Variants in BCAR3 observed in about 807,000 individuals in gnomAD.
BCAR3 encodes BCAR3 adaptor protein, NSP family member.
A neutral mutation model predicts 80.1 loss-of-function variants in BCAR3; 37 were observed. That is an observed-to-expected ratio of 0.46 (90% CI 0.36 to 0.61). BCAR3 has a LOEUF of 0.61. Ranked by LOEUF, BCAR3 falls within the 20% of genes least tolerant of loss-of-function variation. BCAR3 has a pLI of 0.00. For missense variants in BCAR3, 978 were observed against 1,068.2 expected (o/e 0.92, Z 1.18); for synonymous variants, 389 against 418.9 (o/e 0.93, Z 0.87).
intron 3 of BCAR3, among the ~76,000 whole-genome samples, chr1:93,623,067 C>A (rs3767982): frequency 6.6e-6 from 1 of 152,128 alleles, no homozygotes; most frequent in African/African-American, 2.4e-5. Flanking sequence ...CATCCCCACC[C>A]CCTGCCCATA....
rs146786226 is a variant in BCAR3, at chr1:93,833,174, C to T, written c.-63+12393G>A. On this transcript the variant is annotated intron_variant, in intron 2 of 13. Coordinates refer to the BCAR3 transcript ENST00000370244. ...GGTGACATCACATGTCGGCAGGTTC[C>T]GTGATGCCCACCTGAGCTGCAAAAC... 4.3e-3 allele frequency among the ~76,000 whole-genome samples: 661 copies of T among 152,226 alleles called. 2 individuals carry two copies. Among genetic ancestry groups the T allele is most frequent in the African/African-American group, 0.015 (620 of 41,512 alleles).
intron 2 of BCAR3, among the ~76,000 whole-genome samples, chr1:93,816,355 G>A (rs1308831309): frequency 2.0e-5 from 3 of 152,066 alleles, no homozygotes; most frequent in African/African-American, 7.2e-5. Context: ...TTTCATTGGT[G>A]AATAATTCAC....
rs559815270 is a variant in BCAR3 at position 93,666,539 on chromosome 1, G to T, written c.317+8075C>A. Among the ~76,000 whole-genome samples, 3 of 152,180 alleles carry T rather than the reference G, an allele frequency of 2.0e-5. No individual in the cohort carries two copies. In the South Asian group the frequency reaches 6.2e-4, roughly 32 times the overall value. On this transcript the variant is annotated intron_variant, in intron 2 of 11. Coordinates refer to ENST00000260502, the MANE Select transcript of BCAR3 (RefSeq NM_003567.4). ...TTTGCCTGAATGCCCCCTAAACTGA[G>T]AACTCCCTAAGGACAGGGGATACAT...
At chr1:93,768,785 G>A (rs1652248437) in intron 2 of BCAR3, among the ~76,000 whole-genome samples, 1 of 152,160 alleles carries the variant, frequency 6.6e-6, no homozygotes, top group Non-Finnish European at 1.5e-5. Context: ...AAGGTATCTG[G>A]CAGCCTGTAA....
At chr1:93,735,488 T>G (rs1650943767) in intron 2 of BCAR3, among the ~76,000 whole-genome samples, 1 of 152,160 alleles carries the variant, frequency 6.6e-6, no homozygotes, top group South Asian at 2.1e-4. Flanking sequence ...TATTAAAAAA[T>G]TATTAAAATG....
At chr1:93,594,122 C>T (rs1010615559) in intron 3 of BCAR3, among the ~76,000 whole-genome samples, 1 of 152,168 alleles carries the variant, frequency 6.6e-6, no homozygotes, top group Admixed American at 6.5e-5. Context: ...GTCTGACTTG[C>T]CTCCCACTAG....
chr1:93,703,134 G>T (rs973869832), intron 3 of BCAR3, among the ~76,000 whole-genome samples: 1 of 152,208 alleles, frequency 6.6e-6, no homozygotes, highest in Non-Finnish European at 1.5e-5. Context: ...CCCTCCTTAG[G>T]TTTCCAGAGG....
At chr1:93,666,786 A>G (rs1031658062) in intron 2 of BCAR3, among the ~76,000 whole-genome samples, 15 of 152,182 alleles carry the variant, frequency 9.9e-5, no homozygotes, top group Non-Finnish European at 1.8e-4. Flanking sequence ...TATACCTATA[A>G]ACTGTTGAGT....
In BCAR3 at chr1:93,609,461, C is replaced by T. The variant is rs184063851; in HGVS notation, c.358-17068G>A. Among the ~76,000 whole-genome samples the T allele has an allele frequency of 5.5e-3, 830 of 152,248 alleles. 3 individuals carry two copies. Among genetic ancestry groups the T allele is most frequent in the Admixed American group, 6.8e-3 (104 of 15,292 alleles). On this transcript the variant is annotated intron_variant, in intron 3 of 11. Coordinates refer to ENST00000260502, the MANE Select transcript of BCAR3 (RefSeq NM_003567.4). ...TTTTCCGCCCTTGCAAGGTAATTCC[C>T]GTCTCTTAGGTTCCTCTGACACAGG... is the stretch of plus-strand genomic sequence containing the variant.
upstream of BCAR3, among the ~76,000 whole-genome samples, chr1:93,682,059 C>T (rs563361129): frequency 2.6e-5 from 4 of 152,330 alleles, no homozygotes; most frequent in African/African-American, 9.6e-5. Flanking sequence ...CTGAAGCTCT[C>T]TCCAGAGACA....
intron 2 of BCAR3, among the ~76,000 whole-genome samples, chr1:93,712,834 G>A (rs114406074): frequency 0.025 from 3,880 of 152,258 alleles, 147 homozygotes; most frequent in African/African-American, 0.089. Context: ...CTGGGTTCTC[G>A]TCCCAAAGCT....
intron 3 of BCAR3, among the ~76,000 whole-genome samples, chr1:93,637,895 G>A (rs995371521): frequency 1.3e-5 from 2 of 152,170 alleles, no homozygotes; most frequent in African/African-American, 4.8e-5. Context: ...GGTTTCTATC[G>A]TGGGGACAAT....
chr1:93,582,533 C>T lies in BCAR3; in HGVS notation c.1454G>A (p.Arg485Lys), dbSNP rs1360237433. Residue 485 changes from arginine to lysine, a missense_variant, in exon 7 of 12, where the codon AGA becomes AAA. Arg to Lys is a conservative substitution (Grantham distance 26, BLOSUM62 2). Coordinates refer to ENST00000260502, the MANE Select transcript of BCAR3 (RefSeq NM_003567.4). ...CTGAGCTGCCGCAGGTTCCCAAGGT[C>T]TTTCCCTGTCATCATCATCAAGGAT... The part of the protein sequence containing the change: ...YLILDDDDRE[R>K]PWEPAAAQME... The T allele has an allele frequency of 6.2e-7, 1 of 1,613,696 alleles. No individual in the cohort carries two copies. Among genetic ancestry groups the T allele is most frequent in the African/African-American group, 1.3e-5 (1 of 74,884 alleles).
chr1:93,640,403 G>C (rs992826478), intron 3 of BCAR3, among the ~76,000 whole-genome samples: 1 of 151,976 alleles, frequency 6.6e-6, no homozygotes, highest in Non-Finnish European at 1.5e-5. Context: ...TCTAAACCAA[G>C]GGTGAAGTGA....
Position 93,562,260 on chromosome 1 carries a change from A to G in BCAR3, c.2459T>C (p.Val820Ala), listed in dbSNP as rs1462679652. 1.9e-6 allele frequency: 3 copies of G among 1,613,942 alleles called. No individual in the cohort carries two copies. Among genetic ancestry groups the G allele is most frequent in the South Asian group, 2.2e-5 (2 of 91,024 alleles). The change falls in exon 12 of 12, where the codon GTA (valine) becomes GCA (alanine). Residue 820 changes from valine to alanine, a missense_variant. Transcript: ENST00000260502. ...GAGTTATCAAAGCTCTGCCTGCTTT[A>G]CAGGAGGAGGTTCCAATTTACGCGA... The part of the protein sequence containing the change: ...ALSRKLEPPP[V>A]KQAEL
chr1:93,603,424 G>A (rs1392063780), intron 3 of BCAR3, among the ~76,000 whole-genome samples: 2 of 152,196 alleles, frequency 1.3e-5, no homozygotes, highest in Non-Finnish European at 2.9e-5. Context: ...CACTCAAGAG[G>A]CACTCTACAG....
chr1:93,799,320 T>A (rs1653395807), intron 2 of BCAR3, among the ~76,000 whole-genome samples: 1 of 152,152 alleles, frequency 6.6e-6, no homozygotes, highest in South Asian at 2.1e-4. Flanking sequence ...CTTGTAAGAT[T>A]TTCCTTTATT....
At chr1:93,574,590 G>A (rs1430723323) in intron 8 of BCAR3, among the ~76,000 whole-genome samples, 1 of 152,196 alleles carries the variant, frequency 6.6e-6, no homozygotes, top group African/African-American at 2.4e-5. Context: ...CACACTGAAT[G>A]ATACTAAGAA....
intron 2 of BCAR3, among the ~76,000 whole-genome samples, chr1:93,746,373 C>G (rs918243377): frequency 1.3e-5 from 2 of 152,192 alleles, no homozygotes; most frequent in Non-Finnish European, 1.5e-5. Flanking sequence ...TTTCAGGATG[C>G]CTCTTGAAGT....
Sources: gnomAD v4.1 joint callset for allele counts (sites outside exome capture counted in the v4.1 genomes callset) on GRCh38, gnomAD v4.1.1 for gene constraint, MANE v1.5 for transcripts, NCBI Gene and HGNC (gene_info 2026-07-23, HGNC 2026-07-21) for gene names.